Variants in ROBO2 observed in about 807,000 individuals in gnomAD.
ROBO2 encodes the protein roundabout guidance receptor 2.
Under a neutral mutation model 160.8 loss-of-function variants are expected in ROBO2, and 53 were observed. That is an observed-to-expected ratio of 0.33 (90% CI 0.26 to 0.41). ROBO2 has a LOEUF of 0.41. ROBO2 is among the 10% of genes least tolerant of loss of function. The pLI, the probability that ROBO2 is intolerant of heterozygous loss-of-function variation, is 1.00. For synonymous variants in ROBO2, 664 were observed against 611.7 expected, an observed-to-expected ratio of 1.09 and a Z score of -1.26; for missense variants, 1,577 against 1,722.4, an observed-to-expected ratio of 0.92 and a Z score of 1.49.
chr3:76,119,844 T>TTC (rs150288728), intron 2 of ROBO2, among the ~76,000 whole-genome samples: 19 of 148,058 alleles, frequency 1.3e-4, no homozygotes, highest in South Asian at 8.7e-4. Context: ...TTGCTTTCCT[T>TTC]TCTCTCTCTC....
chr3:76,747,104 A>G (rs889598577), intron 2 of ROBO2, among the ~76,000 whole-genome samples: 1 of 152,134 alleles, frequency 6.6e-6, no homozygotes. Flanking sequence ...ATAGTGCTGC[A>G]ATAAACATAT....
intron 1 of ROBO2, among the ~76,000 whole-genome samples, chr3:77,075,136 A>G (rs2067831121): frequency 6.6e-6 from 1 of 152,312 alleles, no homozygotes; most frequent in East Asian, 1.9e-4. Context: ...TTTATATATC[A>G]GCATTATAAT....
intron 2 of ROBO2, among the ~76,000 whole-genome samples, chr3:76,292,830 T>C (rs141527971): frequency 1.6e-3 from 242 of 152,304 alleles, no homozygotes; most frequent in African/African-American, 5.6e-3. Flanking sequence ...ATCATTGTAG[T>C]TATCTGAGTG....
chr3:76,388,370 C>CA (rs1298261408), intron 2 of ROBO2, among the ~76,000 whole-genome samples: 1 of 151,586 alleles, frequency 6.6e-6, no homozygotes, highest in African/African-American at 2.4e-5. Context: ...TTCCCGGGTT[C>CA]ACGCCATTCT....
chr3:77,347,361 C>T (rs9880490), intron 2 of ROBO2, among the ~76,000 whole-genome samples: 47,445 of 151,744 alleles, frequency 0.31, 7,911 homozygotes, highest in Non-Finnish European at 0.38. Context: ...AATAAATAAG[C>T]AGACATCATA....
At chr3:76,134,858 T>C (rs571051868) in intron 2 of ROBO2, among the ~76,000 whole-genome samples, 2 of 152,114 alleles carry the variant, frequency 1.3e-5, no homozygotes, top group African/African-American at 4.8e-5. Flanking sequence ...ATATGGTCTC[T>C]AAACCTCACA....
At chr3:77,510,946 A>G (rs952761662) in intron 5 of ROBO2, among the ~76,000 whole-genome samples, 8 of 152,052 alleles carry the variant, frequency 5.3e-5, no homozygotes, top group Non-Finnish European at 7.4e-5. Flanking sequence ...GCATTAAGGC[A>G]TGAAGAAGAA....
At chr3:75,921,341 G>C (rs1278446491) in intron 1 of ROBO2, among the ~76,000 whole-genome samples, 1 of 142,566 alleles carries the variant, frequency 7.0e-6, no homozygotes, top group Non-Finnish European at 1.5e-5. Context: ...GAAAACAAGT[G>C]CATGTGATAT....
chr3:76,729,642 T>C (rs912086619), intron 2 of ROBO2, among the ~76,000 whole-genome samples: 124 of 145,114 alleles, frequency 8.5e-4, no homozygotes, highest in African/African-American at 3.2e-3. Context: ...TCTCTCTCTT[T>C]TTTTTTTTTT....
intron 2 of ROBO2, among the ~76,000 whole-genome samples, chr3:76,885,798 G>C (rs189102065): frequency 1.4e-3 from 207 of 152,210 alleles, no homozygotes; most frequent in African/African-American, 4.8e-3. Context: ...GATTTTGAAT[G>C]ATTACATCTT....
intron 2 of ROBO2, among the ~76,000 whole-genome samples, chr3:77,219,076 C>T (rs2085366626): frequency 1.3e-5 from 2 of 152,010 alleles, no homozygotes; most frequent in Admixed American, 1.3e-4. Flanking sequence ...TCAAGTGATT[C>T]TCCTGCCTCA....
At chr3:76,185,888 T>A (rs1701738057) in intron 2 of ROBO2, among the ~76,000 whole-genome samples, 1 of 151,802 alleles carries the variant, frequency 6.6e-6, no homozygotes, top group East Asian at 1.9e-4. Flanking sequence ...TGAGAAAATA[T>A]TTGACTTTCC....
At chr3:77,349,759 A>G (rs904635377) in intron 2 of ROBO2, among the ~76,000 whole-genome samples, 2 of 152,138 alleles carry the variant, frequency 1.3e-5, no homozygotes, top group African/African-American at 4.8e-5. Context: ...GACAATAAAC[A>G]TTGGATTCAT....
intron 2 of ROBO2, among the ~76,000 whole-genome samples, chr3:76,488,898 A>G (rs1419065803): frequency 6.6e-6 from 1 of 151,880 alleles, no homozygotes; most frequent in Non-Finnish European, 1.5e-5. Flanking sequence ...TAGAAGGACG[A>G]TTTTGTGGTA....
At chr3:76,570,315 C>T (rs1208476430) in intron 2 of ROBO2, among the ~76,000 whole-genome samples, 3 of 152,066 alleles carry the variant, frequency 2.0e-5, no homozygotes, top group South Asian at 2.1e-4. Flanking sequence ...GGTGACTTCA[C>T]AAACTGTTAA....
At chr3:77,602,649 A>G in intron 20 of ROBO2, 158 bp downstream of exon 21, 1 of 826,620 alleles carries the variant, frequency 1.2e-6, no homozygotes, top group Non-Finnish European at 1.9e-6. Context: ...AGTAATTCCT[A>G]CCACCACCAC....
At chr3:76,695,521 A>G (rs532247452) in intron 2 of ROBO2, among the ~76,000 whole-genome samples, 1 of 152,360 alleles carries the variant, frequency 6.6e-6, no homozygotes, top group African/African-American at 2.4e-5. Context: ...TACTGTAAAT[A>G]TAACAATGCC....
intron 2 of ROBO2, among the ~76,000 whole-genome samples, chr3:77,392,772 A>T (rs967035655): frequency 2.6e-5 from 4 of 152,148 alleles, no homozygotes; most frequent in African/African-American, 9.7e-5. Context: ...ATTTAAACAT[A>T]GTACTATTTT....
chr3:76,829,884 T>A (rs910652797), intron 2 of ROBO2, among the ~76,000 whole-genome samples: 5 of 152,154 alleles, frequency 3.3e-5, no homozygotes, highest in Non-Finnish European at 5.9e-5. Context: ...ACCAGGTTGG[T>A]TTCGAACCTC....
Sources: gnomAD v4.1 joint callset for allele counts (sites outside exome capture counted in the v4.1 genomes callset) on GRCh38, gnomAD v4.1.1 for gene constraint, MANE v1.5 for transcripts, NCBI Gene and HGNC (gene_info 2026-07-23, HGNC 2026-07-21) for gene names.